The following CEP126 variants were observed in gnomAD, a reference collection of about 807,000 sequenced individuals.
CEP126 encodes centrosomal protein 126, also known as centrosomal protein of 126 kDa.
In CEP126, 74 loss-of-function variants were observed where a neutral mutation model predicts 107.8. That is an observed-to-expected ratio of 0.69 (90% confidence interval 0.57 to 0.83). The LOEUF is 0.83. Among genes scored for constraint, CEP126 ranks in the 40% least tolerant of loss-of-function variants. The pLI is 0.00. For missense variants in CEP126, 1,237 were observed against 1,281.9 expected (o/e 0.96, Z 0.53); for synonymous variants, 449 against 446.0 (o/e 1.01, Z -0.08).
intron 8 of CEP126, among the ~76,000 whole-genome samples, chr11:101,984,054 A>C (rs1941288478): frequency 6.6e-6 from 1 of 152,238 alleles, no homozygotes; most frequent in Non-Finnish European, 1.5e-5. Flanking sequence ...CATCAAAAAT[A>C]ATCTTTATGC....
At chr11:101,956,848 TC>T (rs1250170612) in intron 4 of CEP126, 1 of 388,838 alleles carries the variant, frequency 2.6e-6, no homozygotes, top group African/African-American at 2.1e-5. Flanking sequence ...CCTTCAATCC[TC>T]CTCATTGGGG....
chr11:101,963,576 A>G lies in CEP126; in HGVS notation c.2541A>G (p.Glu847=). 6.2e-7 allele frequency: 1 copy of G among 1,614,186 alleles called. No homozygotes were observed. The highest frequency in any genetic ancestry group is 8.5e-7 in the Non-Finnish European group (1 of 1,180,032). The change falls in exon 6 of 11, where the codon GAA becomes GAG. Residue 847 remains glutamate, a synonymous_variant. Coordinates refer to ENST00000263468, the MANE Select transcript of CEP126 (RefSeq NM_020802.4). ...SFNSKHVLPT[E]HSLNQWNQES... ...ATTCAAAACATGTGCTTCCAACAGAACACAGTTTGAATCAGTGGAATCAGG... is the reference window on the plus strand; with the variant it reads ...ATTCAAAACATGTGCTTCCAACAGAGCACAGTTTGAATCAGTGGAATCAGG...
At chr11:101,957,394 T>G (rs7102918) in intron 4 of CEP126, among the ~76,000 whole-genome samples, 33 of 152,208 alleles carry the variant, frequency 2.2e-4, no homozygotes, top group African/African-American at 8.0e-4. Context: ...CCCAAAACTC[T>G]TCTTTAGTTC....
chr11:101,969,689 A>C lies in CEP126; in HGVS notation c.2845+5809A>C, dbSNP rs57480538. On this transcript the variant is annotated intron_variant, in intron 6 of 10. Coordinates refer to ENST00000263468, the MANE Select transcript of CEP126 (RefSeq NM_020802.4). ...ACAAATGCAATAATCTTGAAGGACA[A>C]AGTTATAAAACTACTAGATATTATT... is the stretch of plus-strand genomic sequence containing the variant. Among the ~76,000 whole-genome samples the C allele has an allele frequency of 6.7e-3, 1,028 of 152,362 alleles. 12 individuals carry two copies. Among genetic ancestry groups the C allele is most frequent in the African/African-American group, 0.023 (974 of 41,592 alleles).
rs1236946275 is a variant in CEP126 at position 101,946,681 on chromosome 11, G to GT, written c.395-1350_395-1349insT. Among the ~76,000 whole-genome samples, 9 of 152,064 alleles carry GT rather than the reference G, an allele frequency of 5.9e-5. No individual in the cohort carries two copies. In the East Asian group the frequency reaches 1.7e-3, roughly 29 times the overall value. On this transcript the variant is annotated intron_variant, in intron 3 of 10. Coordinates refer to ENST00000263468, the MANE Select transcript of CEP126 (RefSeq NM_020802.4). ...TCGAGACCAGCCTGGCCAACATGGT[G>GT]AAACCCCATCTCTACTAAAAATACA... is the stretch of plus-strand genomic sequence containing the variant.
chr11:101,921,785 T>C (rs1940332106), intron 1 of CEP126, among the ~76,000 whole-genome samples: 1 of 131,908 alleles, frequency 7.6e-6, no homozygotes, highest in Non-Finnish European at 1.7e-5. Context: ...TTCTTTTTTT[T>C]TTTTTTTTTT....
At chr11:101,945,677 G>A (rs938927949) in intron 3 of CEP126, among the ~76,000 whole-genome samples, 9 of 152,126 alleles carry the variant, frequency 5.9e-5, no homozygotes, top group South Asian at 2.1e-4. Context: ...TCTGTCACTC[G>A]GCTCAAAAGT....
At chr11:101,953,068 G>A (rs1940833171) in intron 4 of CEP126, among the ~76,000 whole-genome samples, 1 of 152,126 alleles carries the variant, frequency 6.6e-6, no homozygotes, top group Non-Finnish European at 1.5e-5. Context: ...TTATCACAAT[G>A]GGTAGGCATC....
At chr11:101,924,852 G>T (rs953408822) in intron 2 of CEP126, among the ~76,000 whole-genome samples, 9 of 152,160 alleles carry the variant, frequency 5.9e-5, no homozygotes, top group African/African-American at 2.2e-4. Context: ...TCCAGCAGAA[G>T]TCAAAGGAAA....
intron 8 of CEP126, among the ~76,000 whole-genome samples, chr11:101,983,132 T>G (rs1941276417): frequency 6.6e-6 from 1 of 152,218 alleles, no homozygotes; most frequent in South Asian, 2.1e-4. Context: ...CTTTGTGATG[T>G]AAAGATATTG....
At chr11:101,919,701 G>A (rs1240215012) in intron 1 of CEP126, among the ~76,000 whole-genome samples, 1 of 152,072 alleles carries the variant, frequency 6.6e-6, no homozygotes, top group Non-Finnish European at 1.5e-5. Flanking sequence ...AAAATCATTT[G>A]GTTAAATTGA....
Position 101,975,099 on chromosome 11 carries a change from A to C in CEP126, c.2846-3248A>C, listed in dbSNP as rs149895559. 8.4e-3 allele frequency among the ~76,000 whole-genome samples: 1,272 copies of C among 152,318 alleles called. 8 individuals are homozygous for C. Among genetic ancestry groups the C allele is most frequent in the Non-Finnish European group, 0.013 (873 of 68,008 alleles). On this transcript the variant is annotated intron_variant, in intron 6 of 10. Coordinates refer to ENST00000263468, the MANE Select transcript of CEP126 (RefSeq NM_020802.4). ...AAGAAAATTCCAAGAATAGAAAACA[A>C]CATAGAAACTGTATTGCTGCCAAAA...
intron 6 of CEP126, among the ~76,000 whole-genome samples, chr11:101,971,993 C>A (rs546915162): frequency 6.6e-6 from 1 of 151,922 alleles, no homozygotes; most frequent in Non-Finnish European, 1.5e-5. Flanking sequence ...CCTGTAATCC[C>A]AGCTACTTGG....
At position 101,944,326 on chromosome 11, in the gene CEP126, C is replaced by T; in HGVS notation, c.310C>T (p.Leu104Phe). 3.1e-6 allele frequency: 5 copies of T among 1,611,668 alleles called. No homozygotes were observed. Among genetic ancestry groups the T allele is most frequent in the Non-Finnish European group, 4.2e-6 (5 of 1,179,060 alleles). ...EKEHQIREQI[L>F]QQRKQKFEEV... ...AGAACACCAAATTAGAGAACAAATA[C>T]TTCAACAAAGAAAACAGAAGTTTGA... The change falls in exon 3 of 11, where the codon CTT (leucine) becomes TTT (phenylalanine). Residue 104 changes from leucine to phenylalanine, a missense_variant. Transcript: ENST00000263468.
chr11:101,928,330 C>T (rs1940441525), intron 2 of CEP126, among the ~76,000 whole-genome samples: 1 of 152,122 alleles, frequency 6.6e-6, no homozygotes, highest in Non-Finnish European at 1.5e-5. Context: ...CCATCTTCTT[C>T]ATAGAGTCTC....
intron 5 of CEP126, 151 bp downstream of exon 5, chr11:101,958,517 A>G: frequency 1.6e-6 from 1 of 631,474 alleles, no homozygotes; most frequent in Non-Finnish European, 2.7e-6. Flanking sequence ...TCATCATAGA[A>G]ACTATAGAAA....
At chr11:101,947,991 A>G (rs1007557471) in intron 3 of CEP126, 40 bp from the exon 4 acceptor site, 7 of 1,019,016 alleles carry the variant, frequency 6.9e-6, no homozygotes, top group Admixed American at 6.6e-5. Context: ...CACTGAAGAT[A>G]AAGTGATTCT....
chr11:101,974,020 A>G (rs1941163481), intron 6 of CEP126, among the ~76,000 whole-genome samples: 1 of 151,930 alleles, frequency 6.6e-6, no homozygotes, highest in Admixed American at 6.6e-5. Flanking sequence ...TCTAATGACT[A>G]AAAGTTTTTC....
chr11:101,984,708 C>T (rs1334206910), intron 8 of CEP126, among the ~76,000 whole-genome samples: 1 of 151,852 alleles, frequency 6.6e-6, no homozygotes, highest in African/African-American at 2.4e-5. Context: ...GCTTATAGGA[C>T]AAAAAAAGAC....
Sources: allele counts gnomAD v4.1 joint callset (sites outside exome capture counted in the v4.1 genomes callset), GRCh38; gene constraint gnomAD v4.1.1; transcripts MANE v1.5; gene names NCBI Gene and HGNC (gene_info 2026-07-23, HGNC 2026-07-21).